The following NINJ2 variants were observed in gnomAD, a reference collection of about 807,000 sequenced individuals.
The protein encoded by NINJ2 is ninjurin 2.
A neutral mutation model predicts 11.7 loss-of-function variants in NINJ2; 12 were observed. That is an observed-to-expected ratio of 1.02 (90% CI 0.66 to 1.66). NINJ2 has a LOEUF of 1.66. Ranked by LOEUF, NINJ2 falls within the 40% of genes most tolerant of loss-of-function variation. The pLI is 0.00. For synonymous variants in NINJ2, 93 were observed against 76.8 expected (o/e 1.21, Z -1.10); for missense variants, 187 against 181.8 (o/e 1.03, Z -0.16).
At chr12:631,638 G>A (rs1948283497) in intron 1 of NINJ2, among the ~76,000 whole-genome samples, 2 of 152,198 alleles carry the variant, frequency 1.3e-5, no homozygotes, top group Admixed American at 6.5e-5. Flanking sequence ...TGGGATTACA[G>A]GCGTGAGCCA....
chr12:609,631 C>CGTGGTGG (rs1475159710), intron 1 of NINJ2, among the ~76,000 whole-genome samples: 1 of 151,650 alleles, frequency 6.6e-6, no homozygotes, highest in East Asian at 1.9e-4. Flanking sequence ...ATTAGCCGGG[C>CGTGGTGG]GTGGTGGCGG....
At chr12:621,657 A>C (rs1948154232) in intron 1 of NINJ2, among the ~76,000 whole-genome samples, 1 of 151,474 alleles carries the variant, frequency 6.6e-6, no homozygotes, top group Admixed American at 6.6e-5. Context: ...TCTCTACTAA[A>C]AATACAAAAA....
intron 1 of NINJ2, chr12:610,514 C>T: frequency 1.3e-6 from 2 of 1,509,826 alleles, no homozygotes; most frequent in South Asian, 1.3e-5. Context: ...GTCCCCACAG[C>T]GGCCAGCCCA....
chr12:599,848 A>G lies in NINJ2; in HGVS notation c.34-33670T>C, dbSNP rs370065265. 4.9e-4 allele frequency among the ~76,000 whole-genome samples: 75 copies of G among 152,138 alleles called. No homozygotes were observed. The East Asian group carries it at 7.7e-3, about 16-fold the overall frequency. On this transcript the variant is annotated intron_variant, in intron 1 of 3. Transcript: ENST00000305108. ...ATTCCTCCCCGAGATGCCGCCACTG[A>G]TTCACCATGGTGCCAGTGTCCCATT...
At chr12:613,880 G>C (rs183833313) in intron 1 of NINJ2, among the ~76,000 whole-genome samples, 1 of 152,066 alleles carries the variant, frequency 6.6e-6, no homozygotes, top group South Asian at 2.1e-4. Flanking sequence ...ACTCCAGCCC[G>C]GGTGACAGAG....
At chr12:613,821 C>T (rs1948061705) in intron 1 of NINJ2, among the ~76,000 whole-genome samples, 1 of 152,114 alleles carries the variant, frequency 6.6e-6, no homozygotes, top group Non-Finnish European at 1.5e-5. Context: ...AGGAGAATGG[C>T]GTGAACCCAG....
chr12:636,646 C>G (rs1948355661), intron 1 of NINJ2, among the ~76,000 whole-genome samples: 1 of 151,906 alleles, frequency 6.6e-6, no homozygotes, highest in Non-Finnish European at 1.5e-5. Context: ...TGTCACCAGT[C>G]ATTAGACAAA....
At chr12:610,590 G>A (rs1376761529) in intron 1 of NINJ2, 2 of 985,074 alleles carry the variant, frequency 2.0e-6, no homozygotes, top group African/African-American at 3.5e-5. Context: ...GAGCGACTCT[G>A]TTCAGCCCAG....
At chr12:583,944 G>T (rs1443556679) in intron 1 of NINJ2, among the ~76,000 whole-genome samples, 1 of 152,156 alleles carries the variant, frequency 6.6e-6, no homozygotes, top group Non-Finnish European at 1.5e-5. Flanking sequence ...AGATCAATCT[G>T]ATAGGGTGCA....
rs554122683 is a variant in NINJ2, at chr12:571,353, C to A, written c.34-5175G>T. 1.7e-3 allele frequency among the ~76,000 whole-genome samples: 253 copies of A among 151,476 alleles called. 2 individuals are homozygous for A. The highest frequency in any genetic ancestry group is 5.7e-3 in the African/African-American group (233 of 41,142). ...GTTTGATGATTGGCATGGGATGAGGCAGGGGGGTGGGGGACACCAGAGACC... is the reference window on the plus strand; with the variant it reads ...GTTTGATGATTGGCATGGGATGAGGAAGGGGGGTGGGGGACACCAGAGACC... On this transcript the variant is annotated intron_variant, in intron 1 of 3. Coordinates refer to ENST00000305108, the MANE Select transcript of NINJ2 (RefSeq NM_016533.6).
chr12:587,678 G>T (rs1947657808), intron 1 of NINJ2, among the ~76,000 whole-genome samples: 1 of 152,114 alleles, frequency 6.6e-6, no homozygotes, highest in Non-Finnish European at 1.5e-5. Context: ...CTGCCCCGGG[G>T]CCTCTGTGCA....
rs1948064597 is a variant in NINJ2, at chr12:614,053, T to C, written c.34-47875A>G. Among the ~76,000 whole-genome samples, 1 of 152,166 alleles carries C rather than the reference T, an allele frequency of 6.6e-6. No homozygotes were observed. The highest frequency in any genetic ancestry group is 2.4e-5 in the African/African-American group (1 of 41,424). The stretch of plus-strand genomic sequence containing the variant: ...TCCAGGTGCTATTCATTTAAGCCCT[T>C]CCAGAAGCCACAGGCATGTGGGGTG... On this transcript the variant is annotated intron_variant, in intron 1 of 3. Coordinates refer to ENST00000305108, the MANE Select transcript of NINJ2 (RefSeq NM_016533.6). The surrounding 1 kb of genome is among the most constrained non-coding windows in gnomAD (Gnocchi z 5.1).
At chr12:600,652 G>GT (rs1290567387) in intron 1 of NINJ2, among the ~76,000 whole-genome samples, 2 of 100,340 alleles carry the variant, frequency 2.0e-5, no homozygotes, top group Admixed American at 1.2e-4. Context: ...AATTTTTTTG[G>GT]GGTGTGTGTG....
chr12:566,634 G>A lies in NINJ2; in HGVS notation c.34-456C>T, dbSNP rs532417018. Among the ~76,000 whole-genome samples, 13 of 152,326 alleles carry A rather than the reference G, an allele frequency of 8.5e-5. No homozygotes were observed. The South Asian group carries it at 2.5e-3, about 29-fold the overall frequency. ...AAGGCACCTCCTCTCGCATAATGCTGTGGCCCCCAAGGCAGGGTGCACAGC... is the reference window on the plus strand; with the variant it reads ...AAGGCACCTCCTCTCGCATAATGCTATGGCCCCCAAGGCAGGGTGCACAGC... On this transcript the variant is annotated intron_variant, in intron 1 of 3. Transcript: ENST00000305108.
intron 1 of NINJ2, among the ~76,000 whole-genome samples, chr12:587,249 A>T (rs11063746): frequency 7.2e-5 from 11 of 152,122 alleles, no homozygotes; most frequent in Non-Finnish European, 1.2e-4. Context: ...GCAAACGGGG[A>T]GGTCTGCATC....
chr12:635,011 C>T (rs1948331576), intron 1 of NINJ2, among the ~76,000 whole-genome samples: 1 of 151,534 alleles, frequency 6.6e-6, no homozygotes, highest in African/African-American at 2.4e-5. Context: ...TGCCAAAGTG[C>T]TGGGATTACA....
intron 1 of NINJ2, chr12:590,721 G>A (rs1340814311): frequency 6.6e-6 from 1 of 151,410 alleles, no homozygotes; most frequent in East Asian, 1.9e-4. Context: ...GTTATAGGGA[G>A]GCTGATGCTT....
intron 1 of NINJ2, among the ~76,000 whole-genome samples, chr12:641,727 C>G (rs932444478): frequency 6.6e-6 from 1 of 151,938 alleles, no homozygotes; most frequent in African/African-American, 2.4e-5. Flanking sequence ...CGCCTGTAGT[C>G]CCATCTACTC....
intron 1 of NINJ2, among the ~76,000 whole-genome samples, chr12:658,197 C>T (rs963568767): frequency 1.2e-4 from 18 of 152,012 alleles, no homozygotes; most frequent in Admixed American, 3.3e-4. Context: ...TGGGGTTTCA[C>T]CATGTTAGCG....
Sources: allele counts gnomAD v4.1 joint callset (sites outside exome capture counted in the v4.1 genomes callset), GRCh38; gene constraint gnomAD v4.1.1; non-coding constraint Gnocchi (gnomAD v3.1); transcripts MANE v1.5; gene names NCBI Gene and HGNC (gene_info 2026-07-23, HGNC 2026-07-21).